The following PRKG1 variants were observed in gnomAD, a reference collection of about 807,000 sequenced individuals.
The protein encoded by PRKG1 is cGMP-dependent protein kinase 1.
In PRKG1, 35 loss-of-function variants were observed where a neutral mutation model predicts 88.1. The observed-to-expected ratio is 0.40, with a 90% CI of 0.30 to 0.53. The LOEUF (loss-of-function observed/expected upper bound fraction) is 0.53. Ranked by LOEUF, PRKG1 falls within the 20% of genes least tolerant of loss-of-function variation. The pLI is 0.59. For missense variants in PRKG1, 540 were observed against 839.8 expected (o/e 0.64, Z 4.41); for synonymous variants, 303 against 292.5 (o/e 1.04, Z -0.37).
chr10:51,464,989 G>C (rs963293579), intron 2 of PRKG1, among the ~76,000 whole-genome samples: 3 of 151,920 alleles, frequency 2.0e-5, no homozygotes, highest in Admixed American at 1.3e-4. Flanking sequence ...ACACAATTCT[G>C]GCTGTAATGC....
intron 2 of PRKG1, among the ~76,000 whole-genome samples, chr10:51,408,697 G>A (rs1025410313): frequency 2.4e-4 from 37 of 152,358 alleles, no homozygotes; most frequent in Admixed American, 1.6e-3. Context: ...GTGGAAGTCC[G>A]TGTTGATGAA....
intron 3 of PRKG1, among the ~76,000 whole-genome samples, chr10:51,617,347 G>A (rs1271396533): frequency 6.6e-6 from 1 of 151,996 alleles, no homozygotes; most frequent in Non-Finnish European, 1.5e-5. Flanking sequence ...TATTTGAAGT[G>A]TGATTATCTA....
At chr10:51,448,370 A>G (rs1424305915) in intron 2 of PRKG1, among the ~76,000 whole-genome samples, 1 of 152,106 alleles carries the variant, frequency 6.6e-6, no homozygotes, top group Non-Finnish European at 1.5e-5. Flanking sequence ...ATATATCCAC[A>G]TCTTACCACA....
chr10:51,674,785 G>T (rs1239792656), intron 3 of PRKG1, among the ~76,000 whole-genome samples: 1 of 152,152 alleles, frequency 6.6e-6, no homozygotes, highest in Non-Finnish European at 1.5e-5. Flanking sequence ...AATTAGTGGG[G>T]TTGAACAATA....
chr10:51,122,369 C>T (rs1482346839), intron 1 of PRKG1, among the ~76,000 whole-genome samples: 1 of 152,154 alleles, frequency 6.6e-6, no homozygotes, highest in African/African-American at 2.4e-5. Flanking sequence ...AACACAGCAC[C>T]AAGAGGCTTT....
At chr10:52,160,462 T>C (rs1455827684) in intron 8 of PRKG1, among the ~76,000 whole-genome samples, 4 of 151,934 alleles carry the variant, frequency 2.6e-5, no homozygotes, top group African/African-American at 4.8e-5. Context: ...CGTGTCTCTG[T>C]CTAATCTTTT....
intron 4 of PRKG1, among the ~76,000 whole-genome samples, chr10:51,828,121 A>G (rs1400319096): frequency 3.3e-5 from 5 of 152,132 alleles, no homozygotes; most frequent in African/African-American, 1.2e-4. Context: ...ATTAGGTTGG[A>G]GCAAAAGTAA....
intron 2 of PRKG1, among the ~76,000 whole-genome samples, chr10:51,427,803 G>C (rs1838633618): frequency 6.6e-6 from 1 of 152,186 alleles, no homozygotes; most frequent in Non-Finnish European, 1.5e-5. Context: ...ATTAAATTTT[G>C]AGGAGCTGTG....
chr10:51,199,795 C>T (rs993105696), intron 2 of PRKG1, among the ~76,000 whole-genome samples: 8 of 152,158 alleles, frequency 5.3e-5, no homozygotes, highest in Non-Finnish European at 7.3e-5. Flanking sequence ...CTCCCTTTGA[C>T]GCTTTGGGCT....
At chr10:51,618,873 A>G (rs1007315216) in intron 3 of PRKG1, among the ~76,000 whole-genome samples, 1 of 151,706 alleles carries the variant, frequency 6.6e-6, no homozygotes, top group African/African-American at 2.4e-5. Context: ...GGTTCAAGCA[A>G]TCCTCCCACC....
intron 1 of PRKG1, among the ~76,000 whole-genome samples, chr10:51,140,959 A>G (rs1026698906): frequency 6.6e-6 from 1 of 152,210 alleles, no homozygotes; most frequent in Admixed American, 6.5e-5. Context: ...CTTTTGTTCC[A>G]TCCAGCTGCC....
At chr10:51,188,546 C>A (rs1837552348) in intron 2 of PRKG1, among the ~76,000 whole-genome samples, 1 of 151,728 alleles carries the variant, frequency 6.6e-6, no homozygotes, top group Non-Finnish European at 1.5e-5. Context: ...TTTCAAGATA[C>A]AATTGCAACA....
chr10:51,401,710 C>T (rs1316745195), intron 2 of PRKG1, among the ~76,000 whole-genome samples: 1 of 152,120 alleles, frequency 6.6e-6, no homozygotes, highest in Non-Finnish European at 1.5e-5. Flanking sequence ...CAATCCCACA[C>T]CCTCTTTTGT....
chr10:52,132,366 A>T (rs1458343436), intron 7 of PRKG1, among the ~76,000 whole-genome samples: 1 of 152,184 alleles, frequency 6.6e-6, no homozygotes, highest in Non-Finnish European at 1.5e-5. Flanking sequence ...AATGCTTAAG[A>T]ATATCATTAA....
rs143660435 is a variant in PRKG1, at chr10:51,575,886, G to A, written c.592+108050G>A. On this transcript the variant is annotated intron_variant, in intron 3 of 17. Coordinates refer to ENST00000373980, the MANE Select transcript of PRKG1 (RefSeq NM_006258.4). ...TTAGAGTTAAGTATGAAACAAATCA[G>A]TAACTTTTTATTAAATTTGTATTTA... is the stretch of plus-strand genomic sequence containing the variant. Among the ~76,000 whole-genome samples, 396 of 151,802 alleles carry A rather than the reference G, an allele frequency of 2.6e-3. 3 individuals carry two copies. The highest frequency in any genetic ancestry group is 8.7e-3 in the African/African-American group (361 of 41,458).
At position 51,074,636 on chromosome 10, in the gene PRKG1, G is replaced by T; in HGVS notation, c.46G>T (p.Glu16Ter). Residue 16 changes from glutamate to a stop codon, truncating the protein, a stop_gained, in exon 1 of 18, where the codon GAG becomes TAG. Transcript: ENST00000373980. LOFTEE classifies it high-confidence loss of function. The part of the protein sequence containing the change: ...DLQYALQEKI[E>*]ELRQRDALID... ...ACAGTACGCGCTCCAGGAGAAGATC[G>T]AGGAGCTGAGGCAGCGGGATGCTCT... is the stretch of plus-strand genomic sequence containing the variant. 2.5e-6 allele frequency: 4 copies of T among 1,614,060 alleles called. No individual in the cohort carries two copies. Among genetic ancestry groups the T allele is most frequent in the South Asian group, 1.1e-5 (1 of 91,070 alleles).
At chr10:52,108,654 C>T (rs1847480764) in intron 7 of PRKG1, among the ~76,000 whole-genome samples, 1 of 151,996 alleles carries the variant, frequency 6.6e-6, no homozygotes, top group African/African-American at 2.4e-5. Flanking sequence ...GTAAAAAATC[C>T]TAACACTGGT....
chr10:51,235,229 G>T (rs1838953264), intron 2 of PRKG1, among the ~76,000 whole-genome samples: 1 of 152,074 alleles, frequency 6.6e-6, no homozygotes, highest in South Asian at 2.1e-4. Context: ...ACTTATTGTG[G>T]TATCTGGGAA....
At chr10:51,753,866 T>A (rs995497126) in intron 3 of PRKG1, among the ~76,000 whole-genome samples, 3 of 152,158 alleles carry the variant, frequency 2.0e-5, no homozygotes, top group Non-Finnish European at 4.4e-5. Flanking sequence ...CATGATAAGG[T>A]CTCTTTTTCA....
Sources: allele counts gnomAD v4.1 joint callset (sites outside exome capture counted in the v4.1 genomes callset), GRCh38; gene constraint gnomAD v4.1.1; transcripts MANE v1.5; gene names NCBI Gene and HGNC (gene_info 2026-07-23, HGNC 2026-07-21).